Variants in MYLK4 observed in about 807,000 individuals in gnomAD.
MYLK4 encodes caMLCK like.
In MYLK4, 46 loss-of-function variants were observed where a neutral mutation model predicts 48.1. That is an observed-to-expected ratio of 0.96 (90% confidence interval 0.75 to 1.22). MYLK4 has a LOEUF of 1.22. MYLK4 is among the 50% of genes most tolerant of loss of function. MYLK4 has a pLI of 0.00. For synonymous variants in MYLK4, 170 were observed against 180.8 expected (o/e 0.94, Z 0.48); for missense variants, 451 against 486.1 (o/e 0.93, Z 0.68).
chr6:2,752,791 T>A (rs1764328882), upstream of MYLK4, among the ~76,000 whole-genome samples: 1 of 152,204 alleles, frequency 6.6e-6, no homozygotes, highest in Non-Finnish European at 1.5e-5. Flanking sequence ...GATAGAATGA[T>A]CTTTAATTGT....
intron 8 of MYLK4, 149 bp from the exon 9 acceptor site, chr6:2,679,557 G>A (rs1761216817): frequency 9.4e-7 from 1 of 1,064,864 alleles, no homozygotes; most frequent in Admixed American, 1.9e-5. Flanking sequence ...AATCAAGCAA[G>A]AGGCTCAAAA....
chr6:2,712,526 A>G (rs1762710536), intron 2 of MYLK4, among the ~76,000 whole-genome samples: 1 of 152,256 alleles, frequency 6.6e-6, no homozygotes, highest in South Asian at 2.1e-4. Context: ...CAAATTCACT[A>G]GTCTATGACA....
intron 2 of MYLK4, among the ~76,000 whole-genome samples, chr6:2,723,038 T>A (rs550215594): frequency 6.6e-6 from 1 of 152,160 alleles, no homozygotes; most frequent in Non-Finnish European, 1.5e-5. Context: ...ACACCTTCGA[T>A]CCCAGCACTT....
At chr6:2,714,962 G>T (rs1490726472) in intron 2 of MYLK4, among the ~76,000 whole-genome samples, 1 of 152,164 alleles carries the variant, frequency 6.6e-6, no homozygotes, top group African/African-American at 2.4e-5. Flanking sequence ...TGGGAAGTTG[G>T]TCTTTAATGG....
At chr6:2,737,093 T>C (rs1357696590) in intron 2 of MYLK4, among the ~76,000 whole-genome samples, 1 of 152,152 alleles carries the variant, frequency 6.6e-6, no homozygotes, top group Non-Finnish European at 1.5e-5. Flanking sequence ...GGTGGGCAGA[T>C]CACGAGGTCA....
intron 3 of MYLK4, among the ~76,000 whole-genome samples, chr6:2,690,772 G>A (rs1216896592): frequency 6.8e-6 from 1 of 146,728 alleles, no homozygotes; most frequent in Non-Finnish European, 1.5e-5. Flanking sequence ...TTTCCTTAGA[G>A]AGAAATTATT....
At chr6:2,714,990 C>A (rs957550310) in intron 2 of MYLK4, among the ~76,000 whole-genome samples, 1 of 152,078 alleles carries the variant, frequency 6.6e-6, no homozygotes, top group African/African-American at 2.4e-5. Flanking sequence ...GTTGGCTGGG[C>A]GTGGTGGCTC....
the MYLK4 span, among the ~76,000 whole-genome samples, chr6:2,763,237 A>AT: frequency 3.3e-5 from 5 of 152,238 alleles, no homozygotes; most frequent in African/African-American, 9.6e-5. Context: ...AAGGTTCTCC[A>AT]AGTCCCCACC....
At chr6:2,691,377 A>C (rs1761791070) in intron 3 of MYLK4, among the ~76,000 whole-genome samples, 2 of 152,220 alleles carry the variant, frequency 1.3e-5, no homozygotes, top group Admixed American at 1.3e-4. Flanking sequence ...AGACCACACA[A>C]GTGGTTTGAT....
In MYLK4 at chr6:2,685,603, A is replaced by G. The variant is rs1294906962; in HGVS notation, c.342-27T>C. On this transcript the variant is annotated intron_variant, in intron 4 of 12. Coordinates refer to ENST00000274643, the MANE Select transcript of MYLK4 (RefSeq NM_001012418.5). This position sits in a 1 kb window ranked among gnomAD's most constrained non-coding sequence, Gnocchi z 4.5. ...TGCCAAAAAGAGGAAGCGGCGTAGC[A>G]TGAGGCCCTGTGGTCAGCTGCCGAG... 1.2e-6 allele frequency: 2 copies of G among 1,610,198 alleles called. No individual in the cohort carries two copies. Among genetic ancestry groups the G allele is most frequent in the South Asian group, 2.2e-5 (2 of 90,950 alleles).
At chr6:2,756,536 A>G in the MYLK4 span, among the ~76,000 whole-genome samples, 1 of 152,168 alleles carries the variant, frequency 6.6e-6, no homozygotes, top group Admixed American at 6.5e-5. Flanking sequence ...GTGTCACTGT[A>G]GACACTTCAG....
At chr6:2,762,662 G>GT in the MYLK4 span, among the ~76,000 whole-genome samples, 29 of 152,208 alleles carry the variant, frequency 1.9e-4, no homozygotes, top group Non-Finnish European at 3.5e-4. Context: ...CAGTCAATGA[G>GT]TTTTTACTCT....
At chr6:2,699,934 C>G (rs747824957) in intron 2 of MYLK4, among the ~76,000 whole-genome samples, 3 of 152,128 alleles carry the variant, frequency 2.0e-5, no homozygotes, top group African/African-American at 4.8e-5. Flanking sequence ...TTCTATCCAG[C>G]CTGTCTGTGT....
chr6:2,709,988 AT>A (rs1414615049), intron 2 of MYLK4, among the ~76,000 whole-genome samples: 1 of 152,244 alleles, frequency 6.6e-6, no homozygotes, highest in Admixed American at 6.5e-5. Flanking sequence ...TTTCTTTAAA[AT>A]ATAAAAATAT....
At chr6:2,758,038 T>A in the MYLK4 span, among the ~76,000 whole-genome samples, 836 of 152,312 alleles carry the variant, frequency 5.5e-3, 9 homozygotes, top group African/African-American at 0.019. Context: ...TATGGGGTTG[T>A]TGAGGGGTAA....
At chr6:2,693,275 T>A (rs1163723629) in intron 2 of MYLK4, among the ~76,000 whole-genome samples, 1 of 152,210 alleles carries the variant, frequency 6.6e-6, no homozygotes, top group Non-Finnish European at 1.5e-5. Context: ...AAAAAGCCCA[T>A]CTTCATGAAT....
chr6:2,735,567 C>T (rs1249800799), intron 2 of MYLK4, among the ~76,000 whole-genome samples: 1 of 152,172 alleles, frequency 6.6e-6, no homozygotes, highest in African/African-American at 2.4e-5. Context: ...TGAGAATGGA[C>T]ATGTCTCATG....
At chr6:2,679,225 T>G in intron 9 of MYLK4, 55 bp downstream of exon 9, 1 of 1,605,190 alleles carries the variant, frequency 6.2e-7, no homozygotes, top group Non-Finnish European at 8.5e-7. Flanking sequence ...CGGCAAAACC[T>G]CAGAAAATAT....
chr6:2,733,700 T>G (rs187016435), intron 2 of MYLK4, among the ~76,000 whole-genome samples: 4 of 152,282 alleles, frequency 2.6e-5, no homozygotes, highest in Admixed American at 2.0e-4. Context: ...AGTTGGCACC[T>G]CCTGGTAGGG....
Sources: allele counts gnomAD v4.1 joint callset (sites outside exome capture counted in the v4.1 genomes callset), GRCh38; gene constraint gnomAD v4.1.1; non-coding constraint Gnocchi (gnomAD v3.1); transcripts MANE v1.5; gene names NCBI Gene and HGNC (gene_info 2026-07-23, HGNC 2026-07-21).